Variants in CDK3 observed in about 807,000 individuals in gnomAD.
The protein encoded by CDK3 is cyclin dependent kinase 3.
Under a neutral mutation model 30.2 loss-of-function variants are expected in CDK3, and 24 were observed. The ratio of observed to expected loss-of-function variants is 0.79; its 90% confidence interval spans 0.57 to 1.12. The LOEUF (loss-of-function observed/expected upper bound fraction) is 1.12, where lower values mean the gene tolerates loss of function less well. CDK3 is among the 50% of genes most tolerant of loss of function. The pLI is 0.00. For missense variants in CDK3, 345 were observed against 376.0 expected, an observed-to-expected ratio of 0.92 and a Z score of 0.68; for synonymous variants, 158 against 154.2, an observed-to-expected ratio of 1.02 and a Z score of -0.18.
rs762715989 is a variant in CDK3, at chr17:76,002,297, G to A, written c.365G>A (p.Arg122Gln). ...LQGVSFCHSHRVIHRDLKPQN... is the reference protein window; with the variant it reads ...LQGVSFCHSHQVIHRDLKPQN... ...GGGGTGAGTTTCTGCCACTCACATC[G>A]GGTCATCCACCGAGACCTGAAGCCC... The change falls in exon 5 of 8, where the codon CGG (arginine) becomes CAG (glutamine). Residue 122 changes from arginine to glutamine, a missense_variant. Coordinates refer to ENST00000448471, the MANE Select transcript of CDK3 (RefSeq NM_001258.4). The surrounding 1 kb of genome is among the most constrained non-coding windows in gnomAD (Gnocchi z 4.3). 47 of 1,610,818 alleles carry A rather than the reference G, an allele frequency of 2.9e-5. No homozygotes were observed. Among genetic ancestry groups the A allele is most frequent in the Non-Finnish European group, 3.6e-5 (43 of 1,179,688 alleles).
rs759655147 is a variant in CDK3 at position 76,002,088 on chromosome 17, G to A, written c.261G>A (p.Leu87=). Residue 87 remains leucine, a synonymous_variant, in exon 4 of 8, where the codon CTG becomes CTA. Transcript: ENST00000448471. This position sits in a 1 kb window ranked among gnomAD's most constrained non-coding sequence, Gnocchi z 4.3. ...TGTTTGAGTTCCTCAGCCAGGACCTGAAGAAGTACATGGACTCCACCCCAG... is the reference window on the plus strand; with the variant it reads ...TGTTTGAGTTCCTCAGCCAGGACCTAAAGAAGTACATGGACTCCACCCCAG... ...YLVFEFLSQD[L]KKYMDSTPGS... 3.1e-6 allele frequency: 5 copies of A among 1,614,024 alleles called. No homozygotes were observed. In the Admixed American group the frequency reaches 6.7e-5, roughly 22 times the overall value.
Position 76,001,512 on chromosome 17 carries a change from G to A in CDK3, c.87G>A (p.Leu29=). The change falls in exon 2 of 8, where the codon CTG becomes CTA. Residue 29 remains leucine (L), a synonymous_variant. Coordinates refer to ENST00000448471, the MANE Select transcript of CDK3 (RefSeq NM_001258.4). The surrounding 1 kb of genome is among the most constrained non-coding windows in gnomAD (Gnocchi z 6.2). ...CCAAGAACAGGGAGACAGGGCAGCT[G>A]GTGGCCCTGAAGAAGATCAGACTGG... ...YKAKNRETGQ[L]VALKKIRLDL... The A allele has an allele frequency of 6.2e-7, 1 of 1,614,054 alleles. No homozygotes were observed. Among genetic ancestry groups the A allele is most frequent in the South Asian group, 1.1e-5 (1 of 91,086 alleles).
chr17:76,003,343 AG>A lies in CDK3; in HGVS notation c.740del (p.Gly247AspfsTer94), dbSNP rs1339271421. The A allele has an allele frequency of 6.2e-7, 1 of 1,614,096 alleles. No individual in the cohort carries two copies. The highest frequency in any genetic ancestry group is 1.1e-5 in the South Asian group (1 of 91,074). On this transcript the variant is annotated frameshift_variant, in exon 7 of 8. Coordinates refer to ENST00000448471, the MANE Select transcript of CDK3 (RefSeq NM_001258.4). LOFTEE classifies it high-confidence loss of function. The part of the protein sequence containing the change: ...YKGSFPKWTR[K>X]GLEEIVPNLE... ...GGCAGCTTCCCTAAGTGGACCAGGA[AG>A]GGACTGGAAGAGATTGTGCCCAATC...
Position 76,002,544 on chromosome 17 carries a change from C to A in CDK3, c.520C>A (p.Leu174Ile). 1 of 1,084,384 alleles carries A rather than the reference C, an allele frequency of 9.2e-7. No individual in the cohort carries two copies. Among genetic ancestry groups the A allele is most frequent in the Non-Finnish European group, 1.4e-6 (1 of 695,858 alleles). The allele number at this position is 1,084,384 out of a possible 1,614,324, so 67.2% of individuals were successfully genotyped here. A position where few individuals can be genotyped will look rare whatever the true frequency, so the allele number is the denominator to read the frequency against. Residue 174 changes from leucine (L) to isoleucine (I), a missense_variant, in exon 6 of 8, where the codon CTC (leucine) becomes ATC (isoleucine). Coordinates refer to ENST00000448471, the MANE Select transcript of CDK3 (RefSeq NM_001258.4). The surrounding 1 kb of genome is among the most constrained non-coding windows in gnomAD (Gnocchi z 4.3). ...ACTGTGGTATCGCGCCCCCGAGATT[C>A]TCTTGGGCAGCAAGTTCTATACCAC... is the stretch of plus-strand genomic sequence containing the variant. ...VTLWYRAPEI[L>I]LGSKFYTTAV...
At position 76,003,382 on chromosome 17, in the gene CDK3, G is replaced by A. The variant is rs202135680; in HGVS notation, c.776G>A (p.Gly259Asp). The A allele has an allele frequency of 1.2e-6, 2 of 1,613,408 alleles. No homozygotes were observed. Among genetic ancestry groups the A allele is most frequent in the Admixed American group, 1.7e-5 (1 of 60,016 alleles). Reference protein sequence around the residue: ...EEIVPNLEPEGRDLLMQLLQY... With the variant: ...EEIVPNLEPEDRDLLMQLLQY... Reference sequence around the variant, plus strand: ...ATTGTGCCCAATCTGGAGCCAGAGGGCAGGGACCTGCTCATGGTAGGTGCA... The same window carrying A: ...ATTGTGCCCAATCTGGAGCCAGAGGACAGGGACCTGCTCATGGTAGGTGCA... The change falls in exon 7 of 8, where the codon GGC becomes GAC. Residue 259 changes from glycine to aspartate, a missense_variant. Coordinates refer to ENST00000448471, the MANE Select transcript of CDK3 (RefSeq NM_001258.4).
chr17:76,002,786 C>T lies in CDK3; in HGVS notation c.588+174C>T. 1 of 590,176 alleles carries T rather than the reference C, an allele frequency of 1.7e-6. No individual in the cohort carries two copies. The highest frequency in any genetic ancestry group is 3.0e-6 in the Non-Finnish European group (1 of 330,438). 36.6% of individuals were successfully genotyped at this position (590,176 alleles called of 1,614,324 possible). A position where few individuals can be genotyped will look rare whatever the true frequency, so the allele number is the denominator to read the frequency against. ...GGCTGAGATGGGAGGATGGCTTGAGCCCAGGAGTTTGAGACCAGCCTGGGC... is the reference window on the plus strand; with the variant it reads ...GGCTGAGATGGGAGGATGGCTTGAGTCCAGGAGTTTGAGACCAGCCTGGGC... On this transcript the variant is annotated intron_variant, in intron 6 of 7. Coordinates refer to ENST00000448471, the MANE Select transcript of CDK3 (RefSeq NM_001258.4). This position sits in a 1 kb window ranked among gnomAD's most constrained non-coding sequence, Gnocchi z 4.3.
chr17:76,003,047 G>C lies in CDK3; in HGVS notation c.589-148G>C, dbSNP rs1278033053. 7.1e-6 allele frequency: 5 copies of C among 700,156 alleles called. No homozygotes were observed. The East Asian group carries it at 1.2e-4, about 17-fold the overall frequency. The allele number at this position is 700,156 out of a possible 1,614,324, so 43.4% of individuals were successfully genotyped here. The stretch of plus-strand genomic sequence containing the variant: ...ACTGGCTAAAGGACTGAGGAAGGTA[G>C]CTTTATTCCAAAAGAGGCCAGAATT... On this transcript the variant is annotated intron_variant, in intron 6 of 7. Transcript: ENST00000448471.
In CDK3 at chr17:76,002,721, G is replaced by C. The variant is rs1005565373; in HGVS notation, c.588+109G>C. ...CGAGGCGGATTAAAGAGTGTTTGGG[G>C]CTGGACATGGCTCACGCCCGTAATC... On this transcript the variant is annotated intron_variant, in intron 6 of 7. Transcript: ENST00000448471. This position sits in a 1 kb window ranked among gnomAD's most constrained non-coding sequence, Gnocchi z 4.3. 2.9e-6 allele frequency: 2 copies of C among 683,618 alleles called. No individual in the cohort carries two copies. The highest frequency in any genetic ancestry group is 3.5e-5 in the African/African-American group (2 of 57,270). 42.3% of individuals were successfully genotyped at this position (683,618 alleles called of 1,614,324 possible).
In CDK3 at chr17:76,002,692, C is replaced by T. The variant is rs2066272682; in HGVS notation, c.588+80C>T. 1 of 753,150 alleles carries T rather than the reference C, an allele frequency of 1.3e-6. No individual in the cohort carries two copies. Among genetic ancestry groups the T allele is most frequent in the Non-Finnish European group, 2.5e-6 (1 of 406,432 alleles). The allele number at this position is 753,150 out of a possible 1,614,324, so 46.7% of individuals were successfully genotyped here. A position where few individuals can be genotyped will look rare whatever the true frequency, so the allele number is the denominator to read the frequency against. ...GTTGGGTGGGGTCCACTGATGCTCC[C>T]ATTCGAGGCGGATTAAAGAGTGTTT... On this transcript the variant is annotated intron_variant, in intron 6 of 7. Transcript: ENST00000448471. This position sits in a 1 kb window ranked among gnomAD's most constrained non-coding sequence, Gnocchi z 4.3.
chr17:76,003,202 G>A lies in CDK3; in HGVS notation c.596G>A (p.Arg199Gln), dbSNP rs758771724. 49 of 1,613,980 alleles carry A rather than the reference G, an allele frequency of 3.0e-5. No individual in the cohort carries two copies. The South Asian group carries it at 3.6e-4, about 12-fold the overall frequency. ...TCTTCTTCCCCATTTCAGGTGACTCGAAAAGCCCTGTTTCCTGGTGACTCT... is the reference window on the plus strand; with the variant it reads ...TCTTCTTCCCCATTTCAGGTGACTCAAAAAGCCCTGTTTCCTGGTGACTCT... Reference protein sequence around the residue: ...IGCIFAEMVTRKALFPGDSEI... With the variant: ...IGCIFAEMVTQKALFPGDSEI... The change falls in exon 7 of 8, where the codon CGA becomes CAA. Residue 199 changes from arginine (R) to glutamine (Q), a missense_variant. Coordinates refer to ENST00000448471, the MANE Select transcript of CDK3 (RefSeq NM_001258.4).
At position 76,002,349 on chromosome 17, in the gene CDK3, T is replaced by A. The variant is rs780129446; in HGVS notation, c.417T>A (p.Gly139=). 6.2e-7 allele frequency: 1 copy of A among 1,612,056 alleles called. No homozygotes were observed. Among genetic ancestry groups the A allele is most frequent in the Non-Finnish European group, 8.5e-7 (1 of 1,179,866 alleles). ...KPQNLLINEL[G]AIKLADFGLA... is the part of the protein sequence containing the mutation. ...AGAACCTGCTCATCAATGAGTTGGGTGCCATCAAGCTGGCTGACTTCGGCC... is the reference window on the plus strand; with the variant it reads ...AGAACCTGCTCATCAATGAGTTGGGAGCCATCAAGCTGGCTGACTTCGGCC... Residue 139 remains glycine, a synonymous_variant, in exon 5 of 8, where the codon GGT becomes GGA. Coordinates refer to ENST00000448471, the MANE Select transcript of CDK3 (RefSeq NM_001258.4). This position sits in a 1 kb window ranked among gnomAD's most constrained non-coding sequence, Gnocchi z 4.3.
Position 76,002,981 on chromosome 17 carries a change from A to G in CDK3, c.589-214A>G, listed in dbSNP as rs2066275425. On this transcript the variant is annotated intron_variant, in intron 6 of 7. Transcript: ENST00000448471. This position sits in a 1 kb window ranked among gnomAD's most constrained non-coding sequence, Gnocchi z 4.3. Reference sequence around the variant, plus strand: ...GACTGCACTCTAGCCTGGGTGACAGAGCAAGACTCCGTCTCTATTTTTTAA... The same window carrying G: ...GACTGCACTCTAGCCTGGGTGACAGGGCAAGACTCCGTCTCTATTTTTTAA... 3.4e-6 allele frequency: 2 copies of G among 593,280 alleles called. No homozygotes were observed. Among genetic ancestry groups the G allele is most frequent in the East Asian group, 5.7e-5 (2 of 35,064 alleles). 36.8% of individuals were successfully genotyped at this position (593,280 alleles called of 1,614,324 possible). A position where few individuals can be genotyped will look rare whatever the true frequency, so the allele number is the denominator to read the frequency against.
Position 76,005,579 on chromosome 17 carries a change from G to C in CDK3, c.*156G>C, listed in dbSNP as rs1318656648. 3.5e-6 allele frequency: 3 copies of C among 850,578 alleles called. No individual in the cohort carries two copies. Among genetic ancestry groups the C allele is most frequent in the Non-Finnish European group, 3.5e-6 (2 of 568,844 alleles). The allele number at this position is 850,578 out of a possible 1,614,324, so 52.7% of individuals were successfully genotyped here. ...TGAGTCTGGGTTAGTCCTGCCCGCA[G>C]GTTAGCGAGATCCTGTGTTGTTTTT... On this transcript the variant is annotated 3_prime_UTR_variant, in exon 8 of 8. Coordinates refer to ENST00000448471, the MANE Select transcript of CDK3 (RefSeq NM_001258.4). The surrounding 1 kb of genome is among the most constrained non-coding windows in gnomAD (Gnocchi z 4.7).
chr17:76,004,524 T>A (rs1422555168), intron 7 of CDK3: 1 of 151,656 alleles, frequency 6.6e-6, no homozygotes, highest in Non-Finnish European at 1.5e-5. Flanking sequence ...CCCAGCTAAT[T>A]TTATTTTTGT....
At chr17:76,004,590 G>C (rs933113688) in intron 7 of CDK3, 1 of 152,424 alleles carries the variant, frequency 6.6e-6, no homozygotes, top group African/African-American at 2.4e-5. Flanking sequence ...GGGCTCAAGC[G>C]ATCCTCCTAC....
chr17:76,002,494 G>C lies in CDK3; in HGVS notation c.487-17G>C. Reference sequence around the variant, plus strand: ...GCACTCAGCCACCCTGAGTGATACTGTTTCTTTGCCCTGCAGGTGGTGACA... The same window carrying C: ...GCACTCAGCCACCCTGAGTGATACTCTTTCTTTGCCCTGCAGGTGGTGACA... On this transcript the variant is annotated splice_polypyrimidine_tract_variant and intron_variant, in intron 5 of 7. Transcript: ENST00000448471. The surrounding 1 kb of genome is among the most constrained non-coding windows in gnomAD (Gnocchi z 4.3). 6.5e-7 allele frequency: 1 copy of C among 1,541,534 alleles called. No individual in the cohort carries two copies. Among genetic ancestry groups the C allele is most frequent in the Non-Finnish European group, 9.0e-7 (1 of 1,114,004 alleles).
chr17:76,001,148 C>T lies in CDK3; in HGVS notation c.-15+181C>T. On this transcript the variant is annotated intron_variant, in intron 1 of 7. Transcript: ENST00000448471. The surrounding 1 kb of genome is among the most constrained non-coding windows in gnomAD (Gnocchi z 6.2). ...CCGAGGCCGGGCATGGGCGAGAAGC[C>T]TGGGGGTCCTGGCTGAACTGGGCTG... is the stretch of plus-strand genomic sequence containing the variant. 3.1e-6 allele frequency: 4 copies of T among 1,297,662 alleles called. No homozygotes were observed. Among genetic ancestry groups the T allele is most frequent in the Non-Finnish European group, 3.9e-6 (4 of 1,013,318 alleles). The allele number at this position is 1,297,662 out of a possible 1,614,324, so 80.4% of individuals were successfully genotyped here. A position where few individuals can be genotyped will look rare whatever the true frequency, so the allele number is the denominator to read the frequency against.
chr17:76,002,442 A>G lies in CDK3; in HGVS notation c.486+24A>G. On this transcript the variant is annotated intron_variant, in intron 5 of 7. Coordinates refer to ENST00000448471, the MANE Select transcript of CDK3 (RefSeq NM_001258.4). The surrounding 1 kb of genome is among the most constrained non-coding windows in gnomAD (Gnocchi z 4.3). ...AGGTATTGTGAGACAAAGAGGAGAG[A>G]GGGGCAGCAGGAGGAGTGTCACCCA... is the stretch of plus-strand genomic sequence containing the variant. The G allele has an allele frequency of 6.2e-7, 1 of 1,611,760 alleles. No individual in the cohort carries two copies. The highest frequency in any genetic ancestry group is 8.5e-7 in the Non-Finnish European group (1 of 1,179,328).
In CDK3 at chr17:76,005,578, A is replaced by C; in HGVS notation, c.*155A>C. ...CTGAGTCTGGGTTAGTCCTGCCCGCAGGTTAGCGAGATCCTGTGTTGTTTT... is the reference window on the plus strand; with the variant it reads ...CTGAGTCTGGGTTAGTCCTGCCCGCCGGTTAGCGAGATCCTGTGTTGTTTT... On this transcript the variant is annotated 3_prime_UTR_variant, in exon 8 of 8. Coordinates refer to ENST00000448471, the MANE Select transcript of CDK3 (RefSeq NM_001258.4). This position sits in a 1 kb window ranked among gnomAD's most constrained non-coding sequence, Gnocchi z 4.7. 2 of 848,262 alleles carry C rather than the reference A, an allele frequency of 2.4e-6. No individual in the cohort carries two copies. The highest frequency in any genetic ancestry group is 3.5e-6 in the Non-Finnish European group (2 of 566,880). The allele number at this position is 848,262 out of a possible 1,614,324, so 52.5% of individuals were successfully genotyped here.
Sources: gnomAD v4.1 joint callset for allele counts on GRCh38, gnomAD v4.1.1 for gene constraint, Gnocchi (gnomAD v3.1) non-coding constraint, MANE v1.5 for transcripts, NCBI Gene and HGNC (gene_info 2026-07-23, HGNC 2026-07-21) for gene names.